SLC8A1: variants seen among roughly 807,000 people sequenced by gnomAD.
The protein encoded by SLC8A1 is sodium/calcium exchanger 1.
In SLC8A1, 18 loss-of-function variants were observed where a neutral mutation model predicts 68.3. The ratio of observed to expected loss-of-function variants is 0.26; its 90% CI spans 0.18 to 0.39. SLC8A1 has a LOEUF of 0.39. SLC8A1 is among the 10% of genes least tolerant of loss of function. SLC8A1 has a pLI of 1.00. For missense variants in SLC8A1, 985 were observed against 1,156.7 expected (o/e 0.85, Z 2.15); for synonymous variants, 475 against 415.5 (o/e 1.14, Z -1.74).
At chr2:40,342,254 A>G (rs1667931279) in intron 2 of SLC8A1, among the ~76,000 whole-genome samples, 1 of 152,156 alleles carries the variant, frequency 6.6e-6, no homozygotes, top group Non-Finnish European at 1.5e-5. Context: ...GATTTATTAA[A>G]TGGCCTATAT....
chr2:40,477,631 A>G (rs1013618743), intron 1 of SLC8A1, among the ~76,000 whole-genome samples: 1 of 152,050 alleles, frequency 6.6e-6, no homozygotes, highest in Non-Finnish European at 1.5e-5. Flanking sequence ...ATTTTTCTCC[A>G]CTTTGTACAC....
chr2:40,101,579 T>C (rs980161507), exon 8 of SLC8A1: 14 of 152,234 alleles, frequency 9.2e-5, no homozygotes, highest in Admixed American at 7.9e-4. Flanking sequence ...GAAAAAGACA[T>C]AAGGATTAAT....
chr2:40,415,859 TACACAC>T (rs70957173), intron 2 of SLC8A1, among the ~76,000 whole-genome samples: 15,001 of 113,326 alleles, frequency 0.13, 913 homozygotes, highest in Middle Eastern at 0.18. Flanking sequence ...ACTAAAAGTA[TACACAC>T]ACACACACAC....
intron 6 of SLC8A1, among the ~76,000 whole-genome samples, chr2:40,147,688 C>A (rs1190989353): frequency 1.3e-5 from 2 of 152,140 alleles, no homozygotes; most frequent in Non-Finnish European, 2.9e-5. Context: ...TAATTTTTAA[C>A]AGACATATCA....
chr2:40,497,533 A>C (rs1705788719), intron 1 of SLC8A1, among the ~76,000 whole-genome samples: 1 of 152,090 alleles, frequency 6.6e-6, no homozygotes, highest in African/African-American at 2.4e-5. Context: ...CCTCACAGAA[A>C]GAATGGTTCT....
At chr2:40,225,368 G>T (rs2058841303) in intron 2 of SLC8A1, among the ~76,000 whole-genome samples, 1 of 152,110 alleles carries the variant, frequency 6.6e-6, no homozygotes, top group Admixed American at 6.5e-5. Flanking sequence ...ATTTAAAATA[G>T]TATTTGGCAC....
chr2:40,177,802 C>G, exon 3 of SLC8A1: 4 of 1,551,426 alleles, frequency 2.6e-6, no homozygotes, highest in East Asian at 2.4e-5. Context: ...AAGGGAGAAA[C>G]TGCACTCTTT....
At chr2:40,504,258 TAGA>T (rs1435452525) in intron 1 of SLC8A1, among the ~76,000 whole-genome samples, 2 of 151,914 alleles carry the variant, frequency 1.3e-5, no homozygotes, top group Non-Finnish European at 2.9e-5. Flanking sequence ...TATCCATATG[TAGA>T]AGAATGAAAC....
chr2:40,350,270 C>T lies in SLC8A1; in HGVS notation c.1808+78203G>A, dbSNP rs115115772. 6.4e-3 allele frequency among the ~76,000 whole-genome samples: 979 copies of T among 152,048 alleles called. 11 individuals carry two copies. The highest frequency in any genetic ancestry group is 0.022 in the African/African-American group (911 of 41,498). On this transcript the variant is annotated intron_variant, in intron 2 of 7. Transcript: ENST00000406785. The stretch of plus-strand genomic sequence containing the variant: ...GTTGAGTGGGAAGGATAGCTTGAGC[C>T]CAGGAGTTCAAGACCAACCTGGGCA...
intron 2 of SLC8A1, among the ~76,000 whole-genome samples, chr2:40,284,273 A>G (rs1205352424): frequency 4.0e-5 from 6 of 149,964 alleles, no homozygotes; most frequent in African/African-American, 1.2e-4. Flanking sequence ...AAATATATAG[A>G]GACATCTCTG....
intron 2 of SLC8A1, among the ~76,000 whole-genome samples, chr2:40,389,254 T>C (rs1410863590): frequency 6.6e-6 from 1 of 152,206 alleles, no homozygotes; most frequent in South Asian, 2.1e-4. Flanking sequence ...AGGATTTTTT[T>C]TTTACCCTTT....
At chr2:40,205,887 A>G in intron 2 of SLC8A1, among the ~76,000 whole-genome samples, 1 of 151,728 alleles carries the variant, frequency 6.6e-6, no homozygotes, top group East Asian at 1.9e-4. Flanking sequence ...AGCTGTGTAT[A>G]ACTGGCCCAT....
At chr2:40,155,431 A>C (rs1408855105) in intron 6 of SLC8A1, among the ~76,000 whole-genome samples, 1 of 152,118 alleles carries the variant, frequency 6.6e-6, no homozygotes, top group Non-Finnish European at 1.5e-5. Flanking sequence ...GCCTGGCCCT[A>C]GCAGAATTTT....
chr2:40,506,379 A>G (rs1490223437), intron 1 of SLC8A1, among the ~76,000 whole-genome samples: 9 of 152,034 alleles, frequency 5.9e-5, no homozygotes, highest in East Asian at 1.9e-4. Context: ...ATGGTTATCT[A>G]TTTAGTCTGT....
intron 2 of SLC8A1, among the ~76,000 whole-genome samples, chr2:40,194,554 C>G (rs1641458): frequency 6.7e-6 from 1 of 149,692 alleles, no homozygotes; most frequent in Admixed American, 6.7e-5. Flanking sequence ...AATTTAAAGA[C>G]AGAGATAGAA....
chr2:40,295,824 A>G (rs1458045857), intron 2 of SLC8A1, among the ~76,000 whole-genome samples: 1 of 152,218 alleles, frequency 6.6e-6, no homozygotes, highest in Non-Finnish European at 1.5e-5. Flanking sequence ...CTACAATTAG[A>G]ATTCATTATG....
At chr2:40,219,842 G>T (rs1183207560) in intron 2 of SLC8A1, among the ~76,000 whole-genome samples, 4 of 22,804 alleles carry the variant, frequency 1.8e-4, no homozygotes, top group Admixed American at 1.3e-3. Context: ...TGAAAAATGT[G>T]ATTTAGCTCC....
At position 40,466,860 on chromosome 2, in the gene SLC8A1, T is replaced by A. The variant is rs563273259; in HGVS notation, c.-24-36556A>T. 2.0e-5 allele frequency among the ~76,000 whole-genome samples: 3 copies of A among 151,976 alleles called. No individual in the cohort carries two copies. In the South Asian group the frequency reaches 6.2e-4, roughly 32 times the overall value. ...TCACATATTTATGCACCTGAAAAAC[T>A]ATATATGATTACTTGACATCAACTC... On this transcript the variant is annotated intron_variant, in intron 1 of 7. Coordinates refer to the SLC8A1 transcript ENST00000402441.
chr2:40,442,211 A>T (rs371101394), intron 1 of SLC8A1, among the ~76,000 whole-genome samples: 42 of 151,582 alleles, frequency 2.8e-4, no homozygotes, highest in African/African-American at 8.9e-4. Context: ...ATAATAAAAT[A>T]AAATTAAAAA....
Sources: allele counts gnomAD v4.1 joint callset (sites outside exome capture counted in the v4.1 genomes callset), GRCh38; gene constraint gnomAD v4.1.1; transcripts MANE v1.5; gene names NCBI Gene and HGNC (gene_info 2026-07-23, HGNC 2026-07-21).